RSPH10B: variants seen among roughly 807,000 people sequenced by gnomAD.
The protein encoded by RSPH10B is radial spoke head 10 homolog B (Chlamydomonas).
RSPH10B carries 7 observed loss-of-function variants against 52.5 expected under a neutral mutation model. The observed-to-expected ratio is 0.13, with a 90% confidence interval of 0.08 to 0.25. RSPH10B has a LOEUF of 0.25. RSPH10B is among the 10% of genes least tolerant of loss of function. RSPH10B has a pLI of 1.00. For missense variants in RSPH10B, 89 were observed against 542.5 expected (o/e 0.16, Z 8.30); for synonymous variants, 28 against 193.2 (o/e 0.14, Z 7.09).
At chr7:5,945,611 T>TCTG (rs1780448945) in intron 10 of RSPH10B, among the ~76,000 whole-genome samples, 1 of 63,266 alleles carries the variant, frequency 1.6e-5, no homozygotes, top group Admixed American at 1.5e-4. Flanking sequence ...AGAGCGAGAC[T>TCTG]TCATCTCAAA....
chr7:5,927,014 C>T (rs1779466590), intron 18 of RSPH10B, among the ~76,000 whole-genome samples: 1 of 137,318 alleles, frequency 7.3e-6, no homozygotes, highest in Admixed American at 7.6e-5. Flanking sequence ...CTCGGCCTCC[C>T]AAAGTTACGT....
chr7:5,926,674 G>GT (rs1779430647), intron 18 of RSPH10B, 126 bp from the exon 21 acceptor site: 1 of 575,576 alleles, frequency 1.7e-6, no homozygotes, highest in South Asian at 1.9e-5. Context: ...AAACAAAACT[G>GT]TAAGTTGCTA....
intron 18 of RSPH10B, among the ~76,000 whole-genome samples, chr7:5,927,070 A>ATTATGTGTGTG (rs1554284566): frequency 1.8e-5 from 2 of 110,692 alleles, no homozygotes; most frequent in Non-Finnish European, 3.9e-5. Context: ...GTGTGTGTAT[A>ATTATGTGTGTG]TGTGTGTGTG....
chr7:5,950,582 AAGG>A (rs1780566323), intron 9 of RSPH10B, among the ~76,000 whole-genome samples: 1 of 148,498 alleles, frequency 6.7e-6, no homozygotes, highest in Non-Finnish European at 1.5e-5. Flanking sequence ...AAAAAAAAAA[AAGG>A]AGCAATATTC....
intron 12 of RSPH10B, among the ~76,000 whole-genome samples, 196 bp from the exon 15 acceptor site, chr7:5,943,668 C>G (rs1188679779): frequency 6.7e-6 from 1 of 148,444 alleles, no homozygotes; most frequent in Non-Finnish European, 1.5e-5. Context: ...CTCAGCCTCC[C>G]GAGTAGCTAG....
intron 4 of RSPH10B, 137 bp downstream of exon 6, chr7:5,960,552 CTG>C: frequency 2.8e-5 from 1 of 35,496 alleles, no homozygotes; most frequent in Non-Finnish European, 3.9e-5. Flanking sequence ...AGCCCCTCCC[CTG>C]CCCTCCACAT....
In RSPH10B at chr7:5,927,027, G is replaced by GTGTGTGTATTA. The variant is rs1554284440; in HGVS notation, c.2433-480_2433-479insTAATACACACA. Among the ~76,000 whole-genome samples the GTGTGTGTATTA allele has an allele frequency of 6.3e-3, 242 of 38,242 alleles. 3 individuals are homozygous for GTGTGTGTATTA. Among genetic ancestry groups the GTGTGTGTATTA allele is most frequent in the African/African-American group, 0.025 (233 of 9,156 alleles). The allele number at this position is 38,242 out of a possible 152,430, so 25.1% of individuals were successfully genotyped here. A position where few individuals can be genotyped will look rare whatever the true frequency, so the allele number is the denominator to read the frequency against. ...ACCTCGGCCTCCCAAAGTTACGTGT[G>GTGTGTGTATTA]TGTGTGTGTGTGTGTGTGTATTATG... On this transcript the variant is annotated intron_variant, in intron 18 of 18. Transcript: ENST00000337579.
intron 7 of RSPH10B, among the ~76,000 whole-genome samples, chr7:5,954,167 G>C (rs1362691683): frequency 3.3e-5 from 4 of 119,434 alleles, no homozygotes; most frequent in African/African-American, 6.2e-5. Flanking sequence ...TTGAGGTGGA[G>C]CCTCGCTGTC....
At chr7:5,931,939 T>C (rs1779796260) in intron 17 of RSPH10B, among the ~76,000 whole-genome samples, 1 of 151,094 alleles carries the variant, frequency 6.6e-6, no homozygotes, top group Admixed American at 6.7e-5. Context: ...CAGTGAGCTA[T>C]GATGGCACCA....
In RSPH10B at chr7:5,948,039, T is replaced by C. The variant is rs1222075727; in HGVS notation, c.1414+181A>G. ...GGCATGCACCACCACGCCTGGCTAA[T>C]TTTTTGTATCTTTTAGTAGAGACGG... On this transcript the variant is annotated intron_variant, in intron 10 of 18. Transcript: ENST00000337579. Among the ~76,000 whole-genome samples the C allele has an allele frequency of 6.2e-3, 78 of 12,536 alleles. 1 individual carries two copies. Among genetic ancestry groups the C allele is most frequent in the South Asian group, 0.012 (4 of 326 alleles). The allele number at this position is 12,536 out of a possible 152,430, so 8.2% of individuals were successfully genotyped here.
chr7:5,942,928 T>TA lies in RSPH10B; in HGVS notation c.1758+395_1758+396insT, dbSNP rs1780281201. ...TATATTTATTTATATATATATATAT[T>TA]TTTTTTTAAGACAATGGCCCATGGC... On this transcript the variant is annotated intron_variant, in intron 13 of 18. Transcript: ENST00000337579. Among the ~76,000 whole-genome samples, 649 of 84,956 alleles carry TA rather than the reference T, an allele frequency of 7.6e-3. 9 individuals are homozygous for TA. The highest frequency in any genetic ancestry group is 0.025 in the Middle Eastern group (4 of 162). 55.7% of individuals were successfully genotyped at this position (84,956 alleles called of 152,430 possible). A position where few individuals can be genotyped will look rare whatever the true frequency, so the allele number is the denominator to read the frequency against.
chr7:5,932,504 C>T (rs1297413400), intron 17 of RSPH10B, among the ~76,000 whole-genome samples: 1 of 135,234 alleles, frequency 7.4e-6, no homozygotes, highest in East Asian at 2.1e-4. Context: ...GAACTCCAAA[C>T]CAGGGAGGAG....
intron 9 of RSPH10B, among the ~76,000 whole-genome samples, chr7:5,950,007 A>AC (rs1780524034): frequency 1.8e-5 from 1 of 55,934 alleles, no homozygotes; most frequent in Non-Finnish European, 3.5e-5. Context: ...GAAAAAAAAA[A>AC]AAACAAAAAA....
intron 16 of RSPH10B, among the ~76,000 whole-genome samples, chr7:5,933,545 G>T (rs1267012971): frequency 7.2e-6 from 1 of 139,644 alleles, no homozygotes; most frequent in African/African-American, 2.5e-5. Flanking sequence ...GGATCACAAG[G>T]TCAGGAGATC....
intron 15 of RSPH10B, among the ~76,000 whole-genome samples, chr7:5,937,444 C>T (rs1433231667): frequency 8.8e-6 from 1 of 113,578 alleles, no homozygotes; most frequent in African/African-American, 2.9e-5. Flanking sequence ...CTTGCTCTGA[C>T]GCCCAGGATG....
At chr7:5,942,798 G>T (rs1294267275) in intron 13 of RSPH10B, among the ~76,000 whole-genome samples, 1 of 150,534 alleles carries the variant, frequency 6.6e-6, no homozygotes, top group Non-Finnish European at 1.5e-5. Flanking sequence ...GGAGGTGGAG[G>T]TTGCAGTGAG....
chr7:5,927,922 A>C, intron 18 of RSPH10B: 1 of 602,014 alleles, frequency 1.7e-6, no homozygotes, highest in Non-Finnish European at 2.8e-6. Context: ...GGTGACAGTG[A>C]GACCCTGTCT....
At chr7:5,941,729 C>T (rs368899783) in intron 13 of RSPH10B, among the ~76,000 whole-genome samples, 9,908 of 122,264 alleles carry the variant, frequency 0.081, 214 homozygotes, top group Admixed American at 0.17. Context: ...GGCAAAAGAG[C>T]GAGACTTTGT....
In RSPH10B at chr7:5,943,189, C is replaced by T. The variant is rs1780298736; in HGVS notation, c.1758+135G>A. The T allele has an allele frequency of 1.8e-5, 28 of 1,519,018 alleles. No individual in the cohort carries two copies. In the South Asian group the frequency reaches 3.1e-4, roughly 17 times the overall value. 94.1% of individuals were successfully genotyped at this position (1,519,018 alleles called of 1,614,324 possible). A position where few individuals can be genotyped will look rare whatever the true frequency, so the allele number is the denominator to read the frequency against. On this transcript the variant is annotated intron_variant, in intron 13 of 18. Coordinates refer to ENST00000337579, the Ensembl canonical transcript of RSPH10B. ...CTGTTCTGCCAAGAGACTCAGTAAA[C>T]ATTTAATGGTCCTGAAAATCCAGCC...
Sources: gnomAD v4.1 joint callset for allele counts (sites outside exome capture counted in the v4.1 genomes callset) on GRCh38, gnomAD v4.1.1 for gene constraint, MANE v1.5 for transcripts, NCBI Gene and HGNC (gene_info 2026-07-23, HGNC 2026-07-21) for gene names.